Variants in GRIN2B observed in about 807,000 individuals in gnomAD.
GRIN2B encodes glutamate receptor ionotropic, NMDA 2B.
GRIN2B carries 5 observed loss-of-function variants against 114.5 expected under a neutral mutation model. That is an observed-to-expected ratio of 0.04 (90% CI 0.02 to 0.09). The LOEUF (loss-of-function observed/expected upper bound fraction) is 0.09. Ranked by LOEUF, GRIN2B falls within the 10% of genes least tolerant of loss-of-function variation. The pLI, the probability that GRIN2B is intolerant of heterozygous loss-of-function variation, is 1.00. For synonymous variants in GRIN2B, 787 were observed against 745.1 expected, an observed-to-expected ratio of 1.06 and a Z score of -0.92; for missense variants, 1,108 against 1,943.5, an observed-to-expected ratio of 0.57 and a Z score of 8.08.
At chr12:13,601,016 CT>C (rs771583216) in intron 10 of GRIN2B, among the ~76,000 whole-genome samples, 12 of 152,328 alleles carry the variant, frequency 7.9e-5, no homozygotes, top group Non-Finnish European at 1.5e-4. Context: ...TCTGATCCCA[CT>C]GCAAGAAATA....
chr12:13,669,914 G>C (rs537209413), intron 5 of GRIN2B, among the ~76,000 whole-genome samples: 1 of 152,212 alleles, frequency 6.6e-6, no homozygotes, highest in East Asian at 1.9e-4. Context: ...CCCTGGAGTT[G>C]GTGCTACCTC....
intron 4 of GRIN2B, among the ~76,000 whole-genome samples, chr12:13,695,871 A>T (rs879384787): frequency 1.3e-5 from 2 of 152,146 alleles, no homozygotes; most frequent in Non-Finnish European, 2.9e-5. Context: ...GGAAATGATG[A>T]TTGCATGCTG....
At chr12:13,596,823 GATA>G (rs758536396) in intron 10 of GRIN2B, among the ~76,000 whole-genome samples, 1 of 152,226 alleles carries the variant, frequency 6.6e-6, no homozygotes, top group Non-Finnish European at 1.5e-5. Context: ...CTCACAGCTG[GATA>G]ATGAGTGGTC....
intron 3 of GRIN2B, among the ~76,000 whole-genome samples, chr12:13,827,578 TTTTC>T (rs753573601): frequency 1.3e-5 from 2 of 152,082 alleles, no homozygotes; most frequent in Non-Finnish European, 2.9e-5. Flanking sequence ...TTCAAATATT[TTTTC>T]TTTAAGTTCC....
chr12:13,978,515 C>A (rs1384997510), intron 2 of GRIN2B, among the ~76,000 whole-genome samples: 2 of 152,086 alleles, frequency 1.3e-5, no homozygotes, highest in African/African-American at 2.4e-5. Context: ...TCATGTTGAG[C>A]GACAAAGATC....
intron 2 of GRIN2B, among the ~76,000 whole-genome samples, chr12:13,971,882 C>A (rs562934963): frequency 6.6e-6 from 1 of 152,160 alleles, no homozygotes; most frequent in Non-Finnish European, 1.5e-5. Flanking sequence ...TTAATTCAAA[C>A]CCCAGTTCCA....
intron 2 of GRIN2B, among the ~76,000 whole-genome samples, chr12:13,939,751 T>C (rs1249396284): frequency 6.6e-6 from 1 of 152,042 alleles, no homozygotes; most frequent in Admixed American, 6.6e-5. Flanking sequence ...GGTTTCACCA[T>C]GTTGCCCAGG....
intron 10 of GRIN2B, among the ~76,000 whole-genome samples, chr12:13,607,447 TAATA>T (rs1411384206): frequency 4.3e-5 from 4 of 93,902 alleles, no homozygotes; most frequent in East Asian, 2.6e-4. Flanking sequence ...ATATTATATA[TAATA>T]AATATATAAA....
At chr12:13,966,064 A>G (rs930682757) in intron 2 of GRIN2B, among the ~76,000 whole-genome samples, 1 of 152,142 alleles carries the variant, frequency 6.6e-6, no homozygotes, top group Non-Finnish European at 1.5e-5. Context: ...GCTGGGCTTG[A>G]ATTCTAGGTT....
At chr12:13,863,916 A>G (rs530755185) in intron 3 of GRIN2B, among the ~76,000 whole-genome samples, 28 of 152,342 alleles carry the variant, frequency 1.8e-4, no homozygotes, top group Non-Finnish European at 3.7e-4. Flanking sequence ...GCTCTTAACC[A>G]TATCAGAATT....
intron 3 of GRIN2B, among the ~76,000 whole-genome samples, chr12:13,860,492 T>A (rs1865734197): frequency 1.3e-5 from 2 of 152,050 alleles, no homozygotes; most frequent in Middle Eastern, 3.4e-3. Context: ...CCACGCCCAA[T>A]TTTTGTATTT....
intron 2 of GRIN2B, among the ~76,000 whole-genome samples, chr12:13,946,032 C>A (rs571706084): frequency 2.6e-5 from 4 of 152,106 alleles, no homozygotes; most frequent in African/African-American, 9.6e-5. Context: ...TTAGACAACC[C>A]CATGGAGAGA....
chr12:13,837,789 A>T (rs986264311), intron 3 of GRIN2B, among the ~76,000 whole-genome samples: 6 of 152,156 alleles, frequency 3.9e-5, no homozygotes, highest in Admixed American at 1.3e-4. Flanking sequence ...ACCACATAGC[A>T]AACACATCTA....
At chr12:13,913,040 C>T (rs1866651260) in intron 2 of GRIN2B, among the ~76,000 whole-genome samples, 2 of 152,098 alleles carry the variant, frequency 1.3e-5, no homozygotes, top group African/African-American at 2.4e-5. Flanking sequence ...CCCAAGCATG[C>T]CCCCCAGCCT....
intron 2 of GRIN2B, among the ~76,000 whole-genome samples, chr12:13,979,129 G>A (rs1463703164): frequency 6.6e-6 from 1 of 152,142 alleles, no homozygotes; most frequent in Non-Finnish European, 1.5e-5. Context: ...AGTTTGCTTG[G>A]AGGATGTGTG....
rs3082840 is a variant in GRIN2B, at chr12:13,855,049, GAAAA to G, written c.411+10745_411+10748del. On this transcript the variant is annotated intron_variant, in intron 3 of 13. Coordinates refer to ENST00000609686, the MANE Select transcript of GRIN2B (RefSeq NM_000834.5). Reference sequence around the variant, plus strand: ...AACATGGTGAAACCCCATCTCTACTGAAAAAAAAAAAAAAAAAAAATTGCCTGGC... The same window carrying G: ...AACATGGTGAAACCCCATCTCTACTGAAAAAAAAAAAAAAAATTGCCTGGC... 1.1e-4 allele frequency among the ~76,000 whole-genome samples: 10 copies of G among 88,012 alleles called. No homozygotes were observed. The South Asian group carries it at 2.4e-3, about 21-fold the overall frequency. The allele number at this position is 88,012 out of a possible 152,430, so 57.7% of individuals were successfully genotyped here.
At position 13,562,917 on chromosome 12, in the gene GRIN2B, G is replaced by A. The variant is rs773648473; in HGVS notation, c.4321C>T (p.Arg1441Cys). 2.8e-5 allele frequency: 46 copies of A among 1,614,098 alleles called. No individual in the cohort carries two copies. The highest frequency in any genetic ancestry group is 8.0e-5 in the African/African-American group (6 of 74,928). ...CCTATACAGATGTCCTTCTGGAAAC[G>A]GGCTGGCACGGCCCCATGAAGGGCC... ...VSALHGAVPA[R>C]FQKDICIGNQ... Residue 1441 changes from arginine to cysteine, a missense_variant, in exon 14 of 14, where the codon CGT becomes TGT. Physicochemically the swap from Arg to Cys is radical, Grantham distance 180 (BLOSUM62 -3). Around this residue, in one of 19 missense-constraint regions of GRIN2B, gnomAD observed 478 missense variants for 506.0 expected, o/e 0.94. Transcript: ENST00000609686.
At chr12:13,678,374 G>A (rs928687647) in intron 4 of GRIN2B, among the ~76,000 whole-genome samples, 1 of 152,000 alleles carries the variant, frequency 6.6e-6, no homozygotes, top group African/African-American at 2.4e-5. Context: ...TGGTGCCATC[G>A]CTATTGGAGT....
chr12:13,559,569 T>C lies in GRIN2B; in HGVS notation c.*3214A>G, dbSNP rs1948514740. On this transcript the variant is annotated 3_prime_UTR_variant, in exon 14 of 14. Transcript: ENST00000609686. ...TTGCTCACATACCCACCCTCCCACGTCTAAACCTAACTTCAGCAATCTTGC... is the reference window on the plus strand; with the variant it reads ...TTGCTCACATACCCACCCTCCCACGCCTAAACCTAACTTCAGCAATCTTGC... 6.6e-6 allele frequency: 1 copy of C among 152,168 alleles called. No individual in the cohort carries two copies. The highest frequency in any genetic ancestry group is 1.5e-5 in the Non-Finnish European group (1 of 68,032). 9.4% of individuals were successfully genotyped at this position (152,168 alleles called of 1,614,324 possible). A position where few individuals can be genotyped will look rare whatever the true frequency, so the allele number is the denominator to read the frequency against.
Sources: allele counts gnomAD v4.1 joint callset (sites outside exome capture counted in the v4.1 genomes callset), GRCh38; gene constraint gnomAD v4.1.1; regional missense constraint gnomAD v4.1.1; transcripts MANE v1.5; gene names NCBI Gene and HGNC (gene_info 2026-07-23, HGNC 2026-07-21).